CDH12: variants seen among roughly 807,000 people sequenced by gnomAD.
CDH12 encodes the protein cadherin-12.
In CDH12, 41 loss-of-function variants were observed where a neutral mutation model predicts 74.1. The observed-to-expected ratio is 0.55, with a 90% CI of 0.43 to 0.72. CDH12 has a LOEUF of 0.72. Ranked by LOEUF, CDH12 falls within the 30% of genes least tolerant of loss-of-function variation. CDH12 has a pLI of 0.00. For synonymous variants in CDH12, 399 were observed against 355.0 expected (o/e 1.12, Z -1.39); for missense variants, 945 against 977.2 (o/e 0.97, Z 0.44).
Position 22,853,189 on chromosome 5 carries a change from C to T in CDH12, c.-654G>A, listed in dbSNP as rs1011732523. 3 of 152,280 alleles carry T rather than the reference C, an allele frequency of 2.0e-5. No individual in the cohort carries two copies. The highest frequency in any genetic ancestry group is 7.2e-5 in the African/African-American group (3 of 41,448). The allele number at this position is 152,280 out of a possible 1,614,324, so 9.4% of individuals were successfully genotyped here. On this transcript the variant is annotated 5_prime_UTR_variant, in exon 1 of 15. The change creates a new upstream start codon in the 5' untranslated region. Coordinates refer to ENST00000382254, the MANE Select transcript of CDH12 (RefSeq NM_004061.5). Reference sequence around the variant, plus strand: ...CTTTCCAAATCACTGTGCCAACACACTGCTTTGCATTTTGTCCGTTTTCAT... The same window carrying T: ...CTTTCCAAATCACTGTGCCAACACATTGCTTTGCATTTTGTCCGTTTTCAT...
At chr5:22,418,439 C>T (rs1387834506) in intron 2 of CDH12, among the ~76,000 whole-genome samples, 1 of 152,116 alleles carries the variant, frequency 6.6e-6, no homozygotes, top group Non-Finnish European at 1.5e-5. Context: ...ACCTTTATTT[C>T]TTTCTCTTGC....
At chr5:22,490,565 A>T (rs1007416840) in intron 2 of CDH12, among the ~76,000 whole-genome samples, 1 of 151,046 alleles carries the variant, frequency 6.6e-6, no homozygotes, top group African/African-American at 2.4e-5. Context: ...CATAGATGAA[A>T]ATGAAAAAAA....
chr5:22,801,286 A>G (rs1027488365), intron 1 of CDH12, among the ~76,000 whole-genome samples: 1 of 152,136 alleles, frequency 6.6e-6, no homozygotes, highest in Admixed American at 6.6e-5. Context: ...AGAATTCAGT[A>G]CATCAGAAAA....
At chr5:21,958,493 G>A (rs1756201182) in intron 6 of CDH12, among the ~76,000 whole-genome samples, 1 of 152,146 alleles carries the variant, frequency 6.6e-6, no homozygotes, top group Non-Finnish European at 1.5e-5. Context: ...AAGGGGTCCA[G>A]TTTCAATCTT....
At chr5:22,410,761 A>T (rs929440391) in intron 2 of CDH12, among the ~76,000 whole-genome samples, 2 of 152,112 alleles carry the variant, frequency 1.3e-5, no homozygotes, top group Non-Finnish European at 2.9e-5. Flanking sequence ...GAAGAAGATT[A>T]TTCTTTAAAA....
intron 3 of CDH12, among the ~76,000 whole-genome samples, chr5:22,278,500 A>G (rs1400065478): frequency 6.6e-6 from 1 of 152,198 alleles, no homozygotes; most frequent in African/African-American, 2.4e-5. Flanking sequence ...AATCTGCTGA[A>G]AGAGGAATAG....
intron 3 of CDH12, among the ~76,000 whole-genome samples, chr5:22,258,838 C>T (rs1279130297): frequency 1.3e-5 from 2 of 152,054 alleles, no homozygotes; most frequent in African/African-American, 2.4e-5. Flanking sequence ...GGAGGCTATG[C>T]CACCTAGGTT....
chr5:21,755,621 C>A lies in CDH12; in HGVS notation c.1855G>T (p.Ala619Ser), dbSNP rs755251558. The A allele has an allele frequency of 1.6e-5, 26 of 1,613,788 alleles. No individual in the cohort carries two copies. In the Middle Eastern group the frequency reaches 1.6e-3, roughly 102 times the overall value. ...AGTATAACAATGCATAGTAGAATTGCAATCAACGCCCCAGTGCTAAGTCCT... is the reference window on the plus strand; with the variant it reads ...AGTATAACAATGCATAGTAGAATTGAAATCAACGCCCCAGTGCTAAGTCCT... ...PVGLSTGALI[A>S]ILLCIVILLA... Residue 619 changes from alanine to serine, a missense_variant, in exon 14 of 15, where the codon GCA becomes TCA. Around this residue, in one of 3 missense-constraint regions of CDH12, gnomAD observed 791 missense variants for 792.8 expected, o/e 1.00. Transcript: ENST00000382254.
At chr5:21,824,843 A>G (rs990698260) in intron 8 of CDH12, among the ~76,000 whole-genome samples, 2 of 152,056 alleles carry the variant, frequency 1.3e-5, no homozygotes, top group African/African-American at 4.8e-5. Flanking sequence ...CACTCTACAA[A>G]ACATGCTTTA....
At chr5:21,869,509 A>G (rs1460543506) in intron 6 of CDH12, among the ~76,000 whole-genome samples, 1 of 152,194 alleles carries the variant, frequency 6.6e-6, no homozygotes, top group Admixed American at 6.5e-5. Context: ...GTGTATTTAT[A>G]CATATATTAA....
intron 6 of CDH12, among the ~76,000 whole-genome samples, chr5:21,920,853 T>G (rs1754320855): frequency 6.6e-6 from 1 of 151,930 alleles, no homozygotes; most frequent in Non-Finnish European, 1.5e-5. Flanking sequence ...CAAAAACATT[T>G]AGGAAAGTAA....
chr5:22,507,883 G>T (rs991183405), intron 1 of CDH12, among the ~76,000 whole-genome samples: 1 of 152,118 alleles, frequency 6.6e-6, no homozygotes, highest in East Asian at 1.9e-4. Flanking sequence ...TCCATTTCTC[G>T]CCTCTTCCAG....
intron 5 of CDH12, among the ~76,000 whole-genome samples, chr5:22,020,215 G>A (rs1324795128): frequency 2.0e-5 from 3 of 152,062 alleles, no homozygotes; most frequent in African/African-American, 7.2e-5. Context: ...CAGGGTGGGT[G>A]GCTTAAAGAA....
intron 1 of CDH12, among the ~76,000 whole-genome samples, chr5:22,822,036 A>G (rs1010033383): frequency 6.6e-6 from 1 of 152,240 alleles, no homozygotes; most frequent in Non-Finnish European, 1.5e-5. Context: ...AAACAGAGAT[A>G]TAGATCAATG....
intron 6 of CDH12, among the ~76,000 whole-genome samples, chr5:21,927,437 A>T (rs906234125): frequency 1.3e-5 from 2 of 150,934 alleles, no homozygotes; most frequent in African/African-American, 2.4e-5. Flanking sequence ...TAAAAAAAAA[A>T]ATTAGCTGAG....
At chr5:22,706,918 C>G (rs971600533) in intron 1 of CDH12, among the ~76,000 whole-genome samples, 1 of 152,140 alleles carries the variant, frequency 6.6e-6, no homozygotes, top group African/African-American at 2.4e-5. Flanking sequence ...CCATTACATT[C>G]TTCCTAAGAA....
intron 2 of CDH12, among the ~76,000 whole-genome samples, chr5:22,406,617 A>G (rs1277963899): frequency 6.6e-6 from 1 of 152,222 alleles, no homozygotes; most frequent in Non-Finnish European, 1.5e-5. Context: ...AGATTTTTGA[A>G]AAGCCAATTA....
chr5:22,069,515 AT>A (rs1741795379), intron 5 of CDH12, among the ~76,000 whole-genome samples: 1 of 152,074 alleles, frequency 6.6e-6, no homozygotes, highest in Non-Finnish European at 1.5e-5. Context: ...ATTAGCAAAA[AT>A]TTTGCTTCTT....
At chr5:22,749,109 G>A (rs974654902) in intron 1 of CDH12, among the ~76,000 whole-genome samples, 2 of 152,218 alleles carry the variant, frequency 1.3e-5, no homozygotes, top group African/African-American at 4.8e-5. Flanking sequence ...TTTGGCCCTG[G>A]TGGGCGTGTT....
Sources: allele counts gnomAD v4.1 joint callset (sites outside exome capture counted in the v4.1 genomes callset), GRCh38; gene constraint gnomAD v4.1.1; regional missense constraint gnomAD v4.1.1; transcripts MANE v1.5; gene names NCBI Gene and HGNC (gene_info 2026-07-23, HGNC 2026-07-21).